The following ADSS2 variants were observed in gnomAD, a reference collection of about 807,000 sequenced individuals.
ADSS2 encodes adenylosuccinate synthase 2.
In ADSS2, 30 loss-of-function variants were observed where a neutral mutation model predicts 60.0. The observed-to-expected ratio is 0.50, with a 90% CI of 0.37 to 0.68. ADSS2 has a LOEUF of 0.68. Ranked by LOEUF, ADSS2 falls within the 30% of genes least tolerant of loss-of-function variation. The probability of loss-of-function intolerance (pLI) is 0.00; values close to 1 mark genes in which losing one functional copy is unlikely to be tolerated. For synonymous variants in ADSS2, 187 were observed against 193.1 expected (o/e 0.97, Z 0.26); for missense variants, 373 against 554.8 (o/e 0.67, Z 3.29).
At position 244,411,234 on chromosome 1, in the gene ADSS2, AAAAAG is replaced by A. The variant is rs1664406934; in HGVS notation, c.1318+48_1318+52del. Reference sequence around the variant, plus strand: ...ACTCCGTCTCAAAAAAAAAAAAAGAAAAAAGAGAGAGAGAGAAAAGAAAAAACTTA... The same window carrying A: ...ACTCCGTCTCAAAAAAAAAAAAAGAAAGAGAGAGAGAAAAGAAAAAACTTA... On this transcript the variant is annotated intron_variant, in intron 12 of 12. Transcript: ENST00000366535. 8 of 1,540,922 alleles carry A rather than the reference AAAAAG, an allele frequency of 5.2e-6. No individual in the cohort carries two copies. In the Admixed American group the frequency reaches 8.2e-5, roughly 16 times the overall value.
intron 12 of ADSS2, 44 bp downstream of exon 12, chr1:244,411,243 G>T: frequency 6.4e-7 from 1 of 1,551,182 alleles, no homozygotes; most frequent in Non-Finnish European, 8.7e-7. Flanking sequence ...AAAAAAGAGA[G>T]AGAGAGAAAA....
Position 244,451,546 on chromosome 1 carries a change from C to T in ADSS2, c.183+89G>A. On this transcript the variant is annotated intron_variant, in intron 1 of 12. Coordinates refer to ENST00000366535, the MANE Select transcript of ADSS2 (RefSeq NM_001126.5). This position sits in a 1 kb window ranked among gnomAD's most constrained non-coding sequence, Gnocchi z 6.6. ...GACACCTCATTTTGGCCAGTGGATC[C>T]GGGTTCTGGGTCCGAGTTCCCGGGC... The T allele has an allele frequency of 2.1e-6, 3 of 1,404,730 alleles. No homozygotes were observed. Among genetic ancestry groups the T allele is most frequent in the Non-Finnish European group, 2.9e-6 (3 of 1,050,710 alleles). 87.0% of individuals were successfully genotyped at this position (1,404,730 alleles called of 1,614,324 possible).
At chr1:244,439,609 C>T (rs1572145175) in intron 1 of ADSS2, among the ~76,000 whole-genome samples, 1 of 152,082 alleles carries the variant, frequency 6.6e-6, no homozygotes, top group East Asian at 1.9e-4. Context: ...GTGCTGCCTG[C>T]GGTTGGGGGA....
intron 12 of ADSS2, 100 bp downstream of exon 12, chr1:244,411,187 C>A (rs1379381816): frequency 1.3e-5 from 17 of 1,280,514 alleles, no homozygotes; most frequent in Non-Finnish European, 1.7e-5. Context: ...CGCCACTGCA[C>A]TCCAGCCTGG....
intron 7 of ADSS2, among the ~76,000 whole-genome samples, 197 bp from the exon 8 acceptor site, chr1:244,420,493 G>C (rs1368751467): frequency 2.4e-5 from 1 of 41,752 alleles, no homozygotes; most frequent in Non-Finnish European, 4.7e-5. Context: ...GAACAGAAAA[G>C]AGCATTGCTC....
At position 244,450,925 on chromosome 1, in the gene ADSS2, G is replaced by A. The variant is rs146039312; in HGVS notation, c.183+710C>T. ...TCCCTCACTTTTTTTGAACAGAGAA[G>A]GGATTCCTTCCTCTGGGACCAACTA... On this transcript the variant is annotated intron_variant, in intron 1 of 12. Coordinates refer to ENST00000366535, the MANE Select transcript of ADSS2 (RefSeq NM_001126.5). Among the ~76,000 whole-genome samples, 14 of 152,308 alleles carry A rather than the reference G, an allele frequency of 9.2e-5. No individual in the cohort carries two copies. In the Middle Eastern group the frequency reaches 0.014, roughly 148 times the overall value.
chr1:244,432,248 A>C lies in ADSS2; in HGVS notation c.406+297T>G, dbSNP rs985779659. 2.0e-5 allele frequency among the ~76,000 whole-genome samples: 3 copies of C among 152,216 alleles called. No homozygotes were observed. The South Asian group carries it at 6.2e-4, about 32-fold the overall frequency. ...ACAAGAATATTACGTATACAAATAA[A>C]TGTTCTTTGCATTTTGATATGGCTT... is the stretch of plus-strand genomic sequence containing the variant. On this transcript the variant is annotated intron_variant, in intron 4 of 12. Transcript: ENST00000366535.
At chr1:244,429,340 C>T (rs560423813) in intron 4 of ADSS2, among the ~76,000 whole-genome samples, 9 of 152,202 alleles carry the variant, frequency 5.9e-5, no homozygotes, top group African/African-American at 2.2e-4. Flanking sequence ...TTTTTAAATC[C>T]TTGGAAATAA....
In ADSS2 at chr1:244,409,564, T is replaced by A. The variant is rs769381301; in HGVS notation, c.*22A>T. ...CTTTTCCCCTCCCTCTCAAGGAGTG[T>A]TTCTTGCATTACTGGCAATCATTAA... On this transcript the variant is annotated 3_prime_UTR_variant, in exon 13 of 13. Transcript: ENST00000366535. The A allele has an allele frequency of 1.3e-6, 2 of 1,586,358 alleles. No individual in the cohort carries two copies. The highest frequency in any genetic ancestry group is 1.7e-6 in the Non-Finnish European group (2 of 1,156,106).
chr1:244,409,497 A>G lies in ADSS2; in HGVS notation c.*89T>C. On this transcript the variant is annotated 3_prime_UTR_variant, in exon 13 of 13. Coordinates refer to ENST00000366535, the MANE Select transcript of ADSS2 (RefSeq NM_001126.5). The stretch of plus-strand genomic sequence containing the variant: ...GCTTCAAACTTACTTCAGTGTCTTT[A>G]TTCTTGAATTTGCAGGTCATAAATG... 1 of 1,050,338 alleles carries G rather than the reference A, an allele frequency of 9.5e-7. No individual in the cohort carries two copies. Among genetic ancestry groups the G allele is most frequent in the Admixed American group, 1.9e-5 (1 of 51,636 alleles). The allele number at this position is 1,050,338 out of a possible 1,614,324, so 65.1% of individuals were successfully genotyped here.
chr1:244,443,570 G>A (rs770401819), intron 1 of ADSS2, among the ~76,000 whole-genome samples: 1 of 152,094 alleles, frequency 6.6e-6, no homozygotes, highest in Non-Finnish European at 1.5e-5. Context: ...TTTCTGAGTT[G>A]GTAAAATGCT....
At chr1:244,418,557 G>C (rs936181042) in intron 9 of ADSS2, among the ~76,000 whole-genome samples, 5 of 152,180 alleles carry the variant, frequency 3.3e-5, no homozygotes. Context: ...CTGGGCTCAA[G>C]TGATCTGCCT....
intron 8 of ADSS2, 22 bp from the exon 9 acceptor site, chr1:244,418,936 A>G: frequency 6.4e-7 from 1 of 1,559,598 alleles, no homozygotes; most frequent in Non-Finnish European, 8.7e-7. Flanking sequence ...AACAGACATT[A>G]AAATATAGTA....
rs1441472059 is a variant in ADSS2 at position 244,451,625 on chromosome 1, G to A, written c.183+10C>T. The A allele has an allele frequency of 7.5e-6, 12 of 1,604,678 alleles. No homozygotes were observed. The highest frequency in any genetic ancestry group is 1.0e-5 in the Non-Finnish European group (12 of 1,175,470). On this transcript the variant is annotated intron_variant, in intron 1 of 12. Transcript: ENST00000366535. The surrounding 1 kb of genome is among the most constrained non-coding windows in gnomAD (Gnocchi z 6.6). Reference sequence around the variant, plus strand: ...GGCCCGGCTTCCCATGAGAGGCCCCGTCGCCTCACCTGGCAGCGGCACACG... The same window carrying A: ...GGCCCGGCTTCCCATGAGAGGCCCCATCGCCTCACCTGGCAGCGGCACACG...
Position 244,417,671 on chromosome 1 carries a change from G to A in ADSS2, c.1027C>T (p.Leu343Phe). 6.2e-7 allele frequency: 1 copy of A among 1,612,634 alleles called. No individual in the cohort carries two copies. Among genetic ancestry groups the A allele is most frequent in the Non-Finnish European group, 8.5e-7 (1 of 1,179,866 alleles). The change falls in exon 10 of 13, where the codon CTC (leucine) becomes TTC (phenylalanine). Residue 343 changes from leucine (L) to phenylalanine (F), a missense_variant. By Grantham distance (22) the Leu-to-Phe change is conservative. Coordinates refer to ENST00000366535, the MANE Select transcript of ADSS2 (RefSeq NM_001126.5). ...ATATGAGCATATTTGAGCAAAACGA[G>A]GTCCAACCAGCCACATCTTCTTTTC... ...GRKRRCGWLD[L>F]VLLKYAHMIN...
Position 244,409,472 on chromosome 1 carries a change from G to A in ADSS2, c.*114C>T. Reference sequence around the variant, plus strand: ...TGAAAAGACTGGAAACAACTGTAGGGCTTCAAACTTACTTCAGTGTCTTTA... The same window carrying A: ...TGAAAAGACTGGAAACAACTGTAGGACTTCAAACTTACTTCAGTGTCTTTA... On this transcript the variant is annotated 3_prime_UTR_variant, in exon 13 of 13. Coordinates refer to ENST00000366535, the MANE Select transcript of ADSS2 (RefSeq NM_001126.5). 1.3e-6 allele frequency: 1 copy of A among 781,934 alleles called. No individual in the cohort carries two copies. The highest frequency in any genetic ancestry group is 2.1e-6 in the Non-Finnish European group (1 of 469,500). The allele number at this position is 781,934 out of a possible 1,614,324, so 48.4% of individuals were successfully genotyped here.
chr1:244,411,443 G>T lies in ADSS2; in HGVS notation c.1169-7C>A. 1 of 1,606,466 alleles carries T rather than the reference G, an allele frequency of 6.2e-7. No homozygotes were observed. On this transcript the variant is annotated splice_region_variant and splice_polypyrimidine_tract_variant and intron_variant, in intron 11 of 12. Transcript: ENST00000366535. Reference sequence around the variant, plus strand: ...TTTAAGACTTCTTGGTTTGCTAAAAGTTAAAGAGGACATTTATTCATGGCA... The same window carrying T: ...TTTAAGACTTCTTGGTTTGCTAAAATTTAAAGAGGACATTTATTCATGGCA...
intron 1 of ADSS2, among the ~76,000 whole-genome samples, chr1:244,446,101 A>C (rs1665378438): frequency 6.6e-6 from 1 of 152,118 alleles, no homozygotes; most frequent in Non-Finnish European, 1.5e-5. Context: ...AAGGGTTGCT[A>C]TTTTTTTGTC....
chr1:244,430,122 G>T (rs1432481035), intron 4 of ADSS2, among the ~76,000 whole-genome samples: 7 of 151,806 alleles, frequency 4.6e-5, no homozygotes, highest in Admixed American at 4.6e-4. Context: ...AATAATTAAA[G>T]AAATATAACT....
Sources: allele counts gnomAD v4.1 joint callset (sites outside exome capture counted in the v4.1 genomes callset), GRCh38; gene constraint gnomAD v4.1.1; non-coding constraint Gnocchi (gnomAD v3.1); transcripts MANE v1.5; gene names NCBI Gene and HGNC (gene_info 2026-07-23, HGNC 2026-07-21).